TMEM184B: variants seen among roughly 807,000 people sequenced by gnomAD.
The protein encoded by TMEM184B is transmembrane protein 184B, also known as putative MAPK-activating protein FM08.
Under a neutral mutation model 41.8 loss-of-function variants are expected in TMEM184B, and 17 were observed. That is an observed-to-expected ratio of 0.41 (90% CI 0.28 to 0.61). The LOEUF is 0.61. Ranked by LOEUF, TMEM184B falls within the 20% of genes least tolerant of loss-of-function variation. The pLI, the probability that TMEM184B is intolerant of heterozygous loss-of-function variation, is 0.34. For synonymous variants in TMEM184B, 240 were observed against 229.5 expected, an observed-to-expected ratio of 1.05 and a Z score of -0.41; for missense variants, 393 against 557.8, an observed-to-expected ratio of 0.70 and a Z score of 2.98.
rs145583176 is a variant in TMEM184B at position 38,221,519 on chromosome 22, C to A, written c.1174G>T (p.Ala392Ser). Residue 392 changes from alanine (A) to serine (S), a missense_variant, in exon 9 of 9, where the codon GCC becomes TCC. Physicochemically the swap from Ala to Ser is moderately conservative, Grantham distance 99. Coordinates refer to ENST00000361906, the MANE Select transcript of TMEM184B (RefSeq NM_012264.5). ...AGGAGAGTCTTCTCGTTGTCGCGGG[C>A]GCCACTGAGGCTGTGGGAGCGGGAG... ...GLSRSHSLSG[A>S]RDNEKTLLLS... is the part of the protein sequence containing the mutation. The A allele has an allele frequency of 1.2e-6, 2 of 1,613,308 alleles. No individual in the cohort carries two copies. The highest frequency in any genetic ancestry group is 2.2e-5 in the East Asian group (1 of 44,862).
chr22:38,240,457 C>T (rs2091879182), intron 3 of TMEM184B, among the ~76,000 whole-genome samples: 1 of 151,724 alleles, frequency 6.6e-6, no homozygotes, highest in Non-Finnish European at 1.5e-5. Flanking sequence ...AAAAAAGAGC[C>T]AGAAAATTAT....
chr22:38,256,976 A>ATTTTTTTTTTTT (rs2092290013), intron 1 of TMEM184B, among the ~76,000 whole-genome samples: 1 of 138,598 alleles, frequency 7.2e-6, no homozygotes, highest in Non-Finnish European at 1.5e-5. Flanking sequence ...GGACATTAAT[A>ATTTTTTTTTTTT]GTTTTTTTTT....
At chr22:38,243,927 C>G (rs567603982) in intron 3 of TMEM184B, among the ~76,000 whole-genome samples, 1 of 152,002 alleles carries the variant, frequency 6.6e-6, no homozygotes, top group African/African-American at 2.4e-5. Context: ...GTGGTGGGGC[C>G]GAGGACCTGG....
chr22:38,231,512 C>A, intron 3 of TMEM184B, 178 bp from the exon 4 acceptor site: 1 of 713,656 alleles, frequency 1.4e-6, no homozygotes, highest in South Asian at 1.5e-5. Flanking sequence ...ATCTGACCTC[C>A]CACTCCTAAG....
intron 3 of TMEM184B, among the ~76,000 whole-genome samples, chr22:38,232,698 C>G (rs1354753345): frequency 6.6e-6 from 1 of 152,200 alleles, no homozygotes. Flanking sequence ...CTTTTAGGCT[C>G]CCTGGTGCCG....
At chr22:38,233,897 G>A in intron 3 of TMEM184B, among the ~76,000 whole-genome samples, 1 of 152,114 alleles carries the variant, frequency 6.6e-6, no homozygotes, top group South Asian at 2.1e-4. Flanking sequence ...AGCCTCTGGA[G>A]TAACTGGGAT....
chr22:38,238,260 C>T (rs8142686), intron 3 of TMEM184B, among the ~76,000 whole-genome samples: 80,246 of 146,710 alleles, frequency 0.55, 22,894 homozygotes, highest in African/African-American at 0.72. Flanking sequence ...CAGAGTCTCT[C>T]GCTGTCGCAG....
At chr22:38,252,847 A>T (rs368460926) in intron 1 of TMEM184B, among the ~76,000 whole-genome samples, 1 of 152,242 alleles carries the variant, frequency 6.6e-6, no homozygotes, top group Admixed American at 6.5e-5. Flanking sequence ...AGTCCCATTA[A>T]TAAATGGAGA....
intron 3 of TMEM184B, among the ~76,000 whole-genome samples, chr22:38,245,692 G>A (rs1177749999): frequency 2.0e-5 from 3 of 151,554 alleles, no homozygotes; most frequent in Non-Finnish European, 4.4e-5. Flanking sequence ...GTACCTGCCT[G>A]AGACGCCAGC....
intron 8 of TMEM184B, chr22:38,222,652 G>GT: frequency 2.0e-6 from 2 of 985,580 alleles, no homozygotes; most frequent in Non-Finnish European, 2.4e-6. Flanking sequence ...CGTAAGGGCC[G>GT]TATGTTGGCA....
chr22:38,254,929 G>A (rs2145733909), intron 1 of TMEM184B, among the ~76,000 whole-genome samples: 1 of 149,460 alleles, frequency 6.7e-6, no homozygotes, highest in South Asian at 2.1e-4. Context: ...TTGGCTCACT[G>A]CAACCTCTAC....
At chr22:38,251,343 G>A (rs542694102) in intron 1 of TMEM184B, among the ~76,000 whole-genome samples, 1 of 152,332 alleles carries the variant, frequency 6.6e-6, no homozygotes, top group African/African-American at 2.4e-5. Context: ...TCTTAGAGAT[G>A]AGGAAAACGA....
chr22:38,248,412 C>T (rs936867337), intron 1 of TMEM184B, among the ~76,000 whole-genome samples: 1 of 152,250 alleles, frequency 6.6e-6, no homozygotes, highest in African/African-American at 2.4e-5. Context: ...GCTGCAGCCA[C>T]GCTGGCCTCT....
chr22:38,263,302 C>T (rs2092397590), intron 1 of TMEM184B, among the ~76,000 whole-genome samples: 1 of 152,210 alleles, frequency 6.6e-6, no homozygotes, highest in South Asian at 2.1e-4. Flanking sequence ...CCAGCACCCC[C>T]TCCAGAGGCA....
chr22:38,243,068 A>T (rs920990873), intron 3 of TMEM184B, among the ~76,000 whole-genome samples: 1 of 150,632 alleles, frequency 6.6e-6, no homozygotes, highest in Non-Finnish European at 1.5e-5. Context: ...AAAAAAAAAA[A>T]GCTGGTGAAC....
rs186200862 is a variant in TMEM184B at position 38,246,661 on chromosome 22, T to C, written c.193-561A>G. ...GATGTCCTCAGGTTGTGCCTCCTCC[T>C]CCCATCTGGTAAACAGAGGCAGCAC... On this transcript the variant is annotated intron_variant, in intron 2 of 8. Coordinates refer to ENST00000361906, the MANE Select transcript of TMEM184B (RefSeq NM_012264.5). 3.0e-3 allele frequency: 1,515 copies of C among 500,524 alleles called. 3 individuals are homozygous for C. Among genetic ancestry groups the C allele is most frequent in the Non-Finnish European group, 4.0e-3 (1,344 of 334,080 alleles). The allele number at this position is 500,524 out of a possible 1,614,324, so 31.0% of individuals were successfully genotyped here.
In TMEM184B at chr22:38,226,544, C is replaced by A; in HGVS notation, c.617+235G>T. The A allele has an allele frequency of 2.1e-6, 1 of 480,880 alleles. No homozygotes were observed. The highest frequency in any genetic ancestry group is 3.9e-6 in the Non-Finnish European group (1 of 258,782). The allele number at this position is 480,880 out of a possible 1,614,324, so 29.8% of individuals were successfully genotyped here. On this transcript the variant is annotated intron_variant, in intron 6 of 8. Coordinates refer to ENST00000361906, the MANE Select transcript of TMEM184B (RefSeq NM_012264.5). The surrounding 1 kb of genome is among the most constrained non-coding windows in gnomAD (Gnocchi z 4.6). ...TTTGTGGCCCATCCCTTCATGGTAC[C>A]ACTCTGCAGCCTGGACATGAACGTG... is the stretch of plus-strand genomic sequence containing the variant.
intron 1 of TMEM184B, among the ~76,000 whole-genome samples, chr22:38,260,444 C>T (rs902483189): frequency 6.6e-6 from 1 of 152,170 alleles, no homozygotes; most frequent in South Asian, 2.1e-4. Flanking sequence ...GAAGGGCTGA[C>T]GTCATTTGCC....
Position 38,221,245 on chromosome 22 carries a change from C to T in TMEM184B, c.*224G>A, listed in dbSNP as rs748448165. On this transcript the variant is annotated 3_prime_UTR_variant, in exon 9 of 9. Coordinates refer to ENST00000361906, the MANE Select transcript of TMEM184B (RefSeq NM_012264.5). ...TGCTCCCAGTGTCCTCTGCCCTCGC[C>T]CGGGCAGTGCAGGCTGGGCCATGTA... The T allele has an allele frequency of 2.1e-6, 3 of 1,405,174 alleles. No individual in the cohort carries two copies. The highest frequency in any genetic ancestry group is 2.8e-6 in the Non-Finnish European group (3 of 1,083,778). 87.0% of individuals were successfully genotyped at this position (1,405,174 alleles called of 1,614,324 possible).
Sources: allele counts gnomAD v4.1 joint callset (sites outside exome capture counted in the v4.1 genomes callset), GRCh38; gene constraint gnomAD v4.1.1; non-coding constraint Gnocchi (gnomAD v3.1); transcripts MANE v1.5; gene names NCBI Gene and HGNC (gene_info 2026-07-23, HGNC 2026-07-21).